The following NUP98 variants were observed in gnomAD, a reference collection of about 807,000 sequenced individuals.
NUP98 encodes the protein nucleoporin 98 and 96 precursor.
In NUP98, 26 loss-of-function variants were observed where a neutral mutation model predicts 191.9. The observed-to-expected ratio is 0.14, with a 90% CI of 0.10 to 0.19. The LOEUF is 0.19. Among genes scored for constraint, NUP98 ranks in the 10% least tolerant of loss-of-function variants. The pLI, the probability that NUP98 is intolerant of heterozygous loss-of-function variation, is 1.00. For synonymous variants in NUP98, 808 were observed against 778.4 expected, an observed-to-expected ratio of 1.04 and a Z score of -0.63; for missense variants, 1,941 against 2,178.8, an observed-to-expected ratio of 0.89 and a Z score of 2.17.
intron 14 of NUP98, among the ~76,000 whole-genome samples, chr11:3,730,122 C>T (rs995686321): frequency 1.3e-5 from 2 of 151,818 alleles, no homozygotes; most frequent in African/African-American, 4.8e-5. Flanking sequence ...GTAGTCCCAG[C>T]TACTTGGGAA....
At position 3,702,538 on chromosome 11, in the gene NUP98, G is replaced by A. The variant is rs1160232835; in HGVS notation, c.3437C>T (p.Ser1146Phe). 11 of 1,614,058 alleles carry A rather than the reference G, an allele frequency of 6.8e-6. No homozygotes were observed. The highest frequency in any genetic ancestry group is 8.5e-6 in the Non-Finnish European group (10 of 1,180,022). ...LANSGEQLNG[S>F]HELENHQIAD... ...AATCTGATGATTTTCTAGTTCATGA[G>A]AGCCATTCAGCTGTTCTCCACTATT... Residue 1146 changes from serine (S) to phenylalanine (F), a missense_variant, in exon 23 of 33, where the codon TCT becomes TTT. Physicochemically the swap from Ser to Phe is radical, Grantham distance 155. This residue lies in a region of NUP98 where 1,030 missense variants were observed against 1,115.8 expected (regional missense o/e 0.92). Transcript: ENST00000324932.
chr11:3,679,825 G>A, intron 30 of NUP98, 117 bp from the exon 31 acceptor site: 1 of 968,470 alleles, frequency 1.0e-6, no homozygotes, highest in Non-Finnish European at 1.5e-6. Flanking sequence ...GACTTCAGAA[G>A]TAAAAGCACA....
Position 3,683,107 on chromosome 11 carries a change from G to A in NUP98, c.4918+93C>T, listed in dbSNP as rs75972919. On this transcript the variant is annotated intron_variant, in intron 30 of 32. Transcript: ENST00000324932. ...TTGATTCAAGATGGCCATGTCCTAC[G>A]TTGAGTCTTATTTCCAGTCTGACCC... 9.6e-4 allele frequency: 1,478 copies of A among 1,545,306 alleles called. 7 individuals carry two copies. In the African/African-American group the frequency reaches 0.018, roughly 19 times the overall value.
chr11:3,758,006 G>A (rs2081036061), intron 10 of NUP98, among the ~76,000 whole-genome samples: 1 of 151,490 alleles, frequency 6.6e-6, no homozygotes, highest in Non-Finnish European at 1.5e-5. Context: ...AAAATCTCAG[G>A]GGAAGGGAGA....
At chr11:3,753,445 A>G in intron 10 of NUP98, 37 bp from the exon 11 acceptor site, 2 of 1,498,052 alleles carry the variant, frequency 1.3e-6, no homozygotes, top group Non-Finnish European at 1.9e-6. Flanking sequence ...TGTACTTTTA[A>G]TATAACTCTC....
chr11:3,778,056 G>A (rs567823749), intron 4 of NUP98, among the ~76,000 whole-genome samples: 22 of 151,406 alleles, frequency 1.5e-4, no homozygotes, highest in African/African-American at 2.9e-4. Flanking sequence ...AAAATTAGCC[G>A]GGCATGGTGG....
At chr11:3,707,058 T>C (rs1256614986) in intron 20 of NUP98, among the ~76,000 whole-genome samples, 2 of 152,222 alleles carry the variant, frequency 1.3e-5, no homozygotes, top group Non-Finnish European at 2.9e-5. Context: ...GTAACTTTGC[T>C]TTTTCTTAAA....
At chr11:3,783,691 C>G (rs1168624352) in intron 1 of NUP98, among the ~76,000 whole-genome samples, 1 of 152,048 alleles carries the variant, frequency 6.6e-6, no homozygotes, top group Admixed American at 6.6e-5. Context: ...AAGAATGAAA[C>G]TCTGTCTCAA....
intron 1 of NUP98, among the ~76,000 whole-genome samples, chr11:3,796,662 C>T (rs996899354): frequency 6.6e-6 from 1 of 152,162 alleles, no homozygotes; most frequent in Non-Finnish European, 1.5e-5. Context: ...ACTGAAATAT[C>T]CAGGGAGGGT....
chr11:3,770,585 C>T (rs547583105), intron 7 of NUP98, among the ~76,000 whole-genome samples: 1 of 151,836 alleles, frequency 6.6e-6, no homozygotes, highest in Admixed American at 6.6e-5. Flanking sequence ...ATGTACATCT[C>T]TTTAGAAGGC....
chr11:3,779,171 A>G lies in NUP98; in HGVS notation c.163T>C (p.Ser55Pro), dbSNP rs201001086. The change falls in exon 3 of 33, where the codon TCA becomes CCA. Residue 55 changes from serine (S) to proline (P), a missense_variant. Around this residue, in one of 6 missense-constraint regions of NUP98, gnomAD observed 154 missense variants for 182.9 expected, o/e 0.84. Coordinates refer to ENST00000324932, the MANE Select transcript of NUP98 (RefSeq NM_016320.5). ...SNNTGGLFGNSQTKPGGLFGT... is the reference protein window; with the variant it reads ...SNNTGGLFGNPQTKPGGLFGT... ...AAGCCCCTACCTGGTTTAGTCTGTG[A>G]ATTTCCAAAGAGGCCTCCAGTATTG... 80 of 1,614,054 alleles carry G rather than the reference A, an allele frequency of 5.0e-5. No homozygotes were observed. The highest frequency in any genetic ancestry group is 6.4e-5 in the Non-Finnish European group (76 of 1,180,010).
chr11:3,706,489 T>A lies in NUP98; in HGVS notation c.2881A>T (p.Thr961Ser). The A allele has an allele frequency of 6.2e-7, 1 of 1,614,142 alleles. No individual in the cohort carries two copies. The highest frequency in any genetic ancestry group is 1.7e-5 in the Admixed American group (1 of 60,006). ...PEDQEPVSAS[T>S]HIASSLGINP... The stretch of plus-strand genomic sequence containing the variant: ...ATTCCCAGTGAAGATGCAATATGTG[T>A]TGAGGCAGACACAGGTTCCTGATCC... The change falls in exon 21 of 33, where the codon ACA (threonine) becomes TCA (serine). Residue 961 changes from threonine (T) to serine (S), a missense_variant. This residue lies in a region of NUP98 where 1,030 missense variants were observed against 1,115.8 expected (regional missense o/e 0.92). Coordinates refer to ENST00000324932, the MANE Select transcript of NUP98 (RefSeq NM_016320.5).
rs773335914 is a variant in NUP98 at position 3,768,586 on chromosome 11, T to A, written c.943A>T (p.Thr315Ser). 6.3e-7 allele frequency: 1 copy of A among 1,580,652 alleles called. No individual in the cohort carries two copies. The highest frequency in any genetic ancestry group is 8.6e-7 in the Non-Finnish European group (1 of 1,164,156). ...TSTIGQPSTN[T>S]MGLFGVTQAS... ...GTAAGGGTCTGTTTCCTTACCATGG[T>A]GTTGGTGCTTGGCTGTCCTATGGTG... is the stretch of plus-strand genomic sequence containing the variant. The change falls in exon 8 of 33, where the codon ACC becomes TCC. Residue 315 changes from threonine (T) to serine (S), a missense_variant. Physicochemically the swap from Thr to Ser is moderately conservative, Grantham distance 58. This residue lies in a region of NUP98 where 181 missense variants were observed against 228.0 expected (regional missense o/e 0.79). Coordinates refer to ENST00000324932, the MANE Select transcript of NUP98 (RefSeq NM_016320.5).
At chr11:3,719,162 T>TAA in intron 18 of NUP98, among the ~76,000 whole-genome samples, 2 of 150,182 alleles carry the variant, frequency 1.3e-5, no homozygotes, top group East Asian at 3.9e-4. Context: ...TGAAATGAAA[T>TAA]AAAATAGAAT....
intron 8 of NUP98, among the ~76,000 whole-genome samples, chr11:3,763,758 G>A (rs965686372): frequency 6.6e-6 from 1 of 152,062 alleles, no homozygotes; most frequent in Non-Finnish European, 1.5e-5. Flanking sequence ...AATGTGCCCA[G>A]GCTGGTCACG....
At position 3,712,551 on chromosome 11, in the gene NUP98, C is replaced by CT; in HGVS notation, c.2742+12dup. ...ACGGATTCCATTCAAATTCACTGTCCTTTTTTCTCTACCTGAGGTGGAGGT... is the reference window on the plus strand; with the variant it reads ...ACGGATTCCATTCAAATTCACTGTCCTTTTTTTCTCTACCTGAGGTGGAGGT... On this transcript the variant is annotated intron_variant, in intron 20 of 32. Coordinates refer to ENST00000324932, the MANE Select transcript of NUP98 (RefSeq NM_016320.5). 6.2e-7 allele frequency: 1 copy of CT among 1,612,316 alleles called. No individual in the cohort carries two copies.
chr11:3,712,037 T>C, intron 20 of NUP98: 1 of 1,049,636 alleles, frequency 9.5e-7, no homozygotes, highest in Non-Finnish European at 1.2e-6. Flanking sequence ...TAATAATTCA[T>C]TTACATTCCC....
chr11:3,678,202 T>G (rs1367046754), intron 31 of NUP98, among the ~76,000 whole-genome samples: 2 of 152,300 alleles, frequency 1.3e-5, no homozygotes, highest in East Asian at 3.9e-4. Context: ...ATGTAGATTT[T>G]GTTTAATCTT....
At chr11:3,688,820 C>CATATACATATATATATATATATAT (rs1388681065) in intron 28 of NUP98, among the ~76,000 whole-genome samples, 71 of 136,230 alleles carry the variant, frequency 5.2e-4, no homozygotes, top group African/African-American at 1.9e-3. Context: ...TTTAAATATA[C>CATATACATATATATATATATATAT]ATATATATAT....
Sources: allele counts gnomAD v4.1 joint callset (sites outside exome capture counted in the v4.1 genomes callset), GRCh38; gene constraint gnomAD v4.1.1; regional missense constraint gnomAD v4.1.1; transcripts MANE v1.5; gene names NCBI Gene and HGNC (gene_info 2026-07-23, HGNC 2026-07-21).